Variants in SNTG1 observed in about 807,000 individuals in gnomAD.
The protein encoded by SNTG1 is gamma-1-syntrophin.
A neutral mutation model predicts 74.7 loss-of-function variants in SNTG1; 39 were observed. The observed-to-expected ratio is 0.52, with a 90% CI of 0.40 to 0.68. The LOEUF is 0.68. SNTG1 is among the 30% of genes least tolerant of loss of function. The pLI is 0.00. For missense variants in SNTG1, 685 were observed against 609.5 expected (o/e 1.12, Z -1.30); for synonymous variants, 254 against 217.1 (o/e 1.17, Z -1.49).
chr8:50,335,861 T>TTTTATTTTA (rs2091125407), intron 2 of SNTG1, among the ~76,000 whole-genome samples: 1 of 149,894 alleles, frequency 6.7e-6, no homozygotes, highest in Non-Finnish European at 1.5e-5. Context: ...TTTTATTTTA[T>TTTTATTTTA]TTATGTTACC....
At chr8:50,776,647 C>T (rs1396613638) in intron 18 of SNTG1, among the ~76,000 whole-genome samples, 1 of 151,210 alleles carries the variant, frequency 6.6e-6, no homozygotes, top group Non-Finnish European at 1.5e-5. Flanking sequence ...AACTCAAAAG[C>T]AGAAATAAAA....
At position 50,052,346 on chromosome 8, in the gene SNTG1, C is replaced by T. The variant is rs549347808; in HGVS notation, c.-102-120215C>T. Among the ~76,000 whole-genome samples the T allele has an allele frequency of 2.4e-4, 37 of 152,106 alleles. No individual in the cohort carries two copies. The South Asian group carries it at 4.1e-3, about 17-fold the overall frequency. ...ATTAAGTAATAGTATTTTTATCCAACGGCACAAGGACTTCTGGATATCCAC... is the reference window on the plus strand; with the variant it reads ...ATTAAGTAATAGTATTTTTATCCAATGGCACAAGGACTTCTGGATATCCAC... On this transcript the variant is annotated intron_variant, in intron 1 of 18. Transcript: ENST00000642720.
intron 5 of SNTG1, among the ~76,000 whole-genome samples, chr8:50,446,672 C>T (rs2093411120): frequency 6.6e-6 from 1 of 151,832 alleles, no homozygotes; most frequent in Non-Finnish European, 1.5e-5. Context: ...GCGAGACTCC[C>T]TCTCAAAAAA....
chr8:50,427,009 A>G (rs927723979), intron 4 of SNTG1, among the ~76,000 whole-genome samples: 1 of 152,260 alleles, frequency 6.6e-6, no homozygotes, highest in Admixed American at 6.5e-5. Flanking sequence ...TGTAAATACT[A>G]TGCCATCTTA....
intron 10 of SNTG1, among the ~76,000 whole-genome samples, chr8:50,533,563 T>C (rs573193965): frequency 6.6e-6 from 1 of 151,578 alleles, no homozygotes; most frequent in African/African-American, 2.4e-5. Flanking sequence ...CAAAAATAAA[T>C]AAACTACTAT....
chr8:50,456,786 C>T (rs12550008), intron 8 of SNTG1, among the ~76,000 whole-genome samples: 6,946 of 152,148 alleles, frequency 0.046, 205 homozygotes, highest in Admixed American at 0.09. Context: ...GGGCCCCAGC[C>T]GATTTCCTTG....
intron 1 of SNTG1, among the ~76,000 whole-genome samples, chr8:50,117,706 G>A (rs2080869767): frequency 6.6e-6 from 1 of 152,014 alleles, no homozygotes; most frequent in Non-Finnish European, 1.5e-5. Context: ...TCTCTCTCCT[G>A]GTCACTGAGT....
chr8:50,224,387 A>G (rs1052234940), intron 2 of SNTG1, among the ~76,000 whole-genome samples: 1 of 152,198 alleles, frequency 6.6e-6, no homozygotes, highest in African/African-American at 2.4e-5. Context: ...AAACAAACAG[A>G]CATGCTTTTA....
At chr8:50,288,897 T>G (rs2088933551) in intron 2 of SNTG1, among the ~76,000 whole-genome samples, 1 of 152,174 alleles carries the variant, frequency 6.6e-6, no homozygotes. Flanking sequence ...AATTTTATCC[T>G]TTTCTTGGTG....
intron 1 of SNTG1, among the ~76,000 whole-genome samples, chr8:49,969,326 T>C (rs1024342184): frequency 6.6e-6 from 1 of 151,854 alleles, no homozygotes; most frequent in East Asian, 1.9e-4. Flanking sequence ...AACTACTTTA[T>C]GGGAAGTTGT....
chr8:50,001,374 G>C (rs1018685518), intron 1 of SNTG1, among the ~76,000 whole-genome samples: 1 of 152,094 alleles, frequency 6.6e-6, no homozygotes, highest in South Asian at 2.1e-4. Context: ...GCACTTTTAG[G>C]GGGCTTATGG....
rs1586068309 is a variant in SNTG1, at chr8:50,053,676, C to T, written c.-102-118885C>T. Reference sequence around the variant, plus strand: ...GTGTGTGTATAATCCAGGATAGTATCCTGGATAGAATCCTGGATTGTTTAA... The same window carrying T: ...GTGTGTGTATAATCCAGGATAGTATTCTGGATAGAATCCTGGATTGTTTAA... On this transcript the variant is annotated intron_variant, in intron 1 of 18. Coordinates refer to ENST00000642720, the MANE Select transcript of SNTG1 (RefSeq NM_018967.5). Among the ~76,000 whole-genome samples the T allele has an allele frequency of 6.2e-5, 7 of 113,508 alleles. 1 individual carries two copies. In the South Asian group the frequency reaches 1.8e-3, roughly 29 times the overall value. The allele number at this position is 113,508 out of a possible 152,430, so 74.5% of individuals were successfully genotyped here.
chr8:50,178,994 T>C (rs1428911387), intron 2 of SNTG1, among the ~76,000 whole-genome samples: 1 of 152,224 alleles, frequency 6.6e-6, no homozygotes, highest in African/African-American at 2.4e-5. Context: ...AAATCATCAA[T>C]TTATTTTGAG....
At chr8:50,792,603 C>A (rs1216621809) in intron 18 of SNTG1, 68 bp from the exon 19 acceptor site, 79 of 1,433,932 alleles carry the variant, frequency 5.5e-5, no homozygotes, top group Non-Finnish European at 7.0e-5. Context: ...GAAAAAAAAT[C>A]TAGCTATTAT....
chr8:50,291,194 G>C (rs2089081284), intron 2 of SNTG1, among the ~76,000 whole-genome samples: 1 of 151,716 alleles, frequency 6.6e-6, no homozygotes, highest in Admixed American at 6.6e-5. Context: ...TTGCCTATTC[G>C]AAAGAGACAG....
At chr8:49,987,353 A>C (rs1255077447) in intron 1 of SNTG1, among the ~76,000 whole-genome samples, 2 of 152,238 alleles carry the variant, frequency 1.3e-5, no homozygotes, top group African/African-American at 4.8e-5. Context: ...TTATAAAACA[A>C]AAGTAAATAA....
chr8:50,688,889 G>A (rs947265298), intron 15 of SNTG1, among the ~76,000 whole-genome samples: 26 of 151,980 alleles, frequency 1.7e-4, no homozygotes, highest in Admixed American at 3.9e-4. Flanking sequence ...CTACCCATGA[G>A]CATGGAATGT....
At chr8:50,730,852 C>T (rs144034152) in intron 17 of SNTG1, among the ~76,000 whole-genome samples, 31 of 152,258 alleles carry the variant, frequency 2.0e-4, no homozygotes, top group African/African-American at 6.7e-4. Flanking sequence ...CATCAGCTTA[C>T]TGTTCTATTG....
intron 2 of SNTG1, among the ~76,000 whole-genome samples, chr8:50,182,377 A>G (rs1422394637): frequency 1.3e-5 from 2 of 152,222 alleles, no homozygotes; most frequent in African/African-American, 4.8e-5. Flanking sequence ...CAACTAATCC[A>G]AATATTTTTA....
Sources: allele counts gnomAD v4.1 joint callset (sites outside exome capture counted in the v4.1 genomes callset), GRCh38; gene constraint gnomAD v4.1.1; transcripts MANE v1.5; gene names NCBI Gene and HGNC (gene_info 2026-07-23, HGNC 2026-07-21).